C8B: variants seen among roughly 807,000 people sequenced by gnomAD.
C8B encodes the protein complement C8 beta chain.
A neutral mutation model predicts 64.6 loss-of-function variants in C8B; 67 were observed. That is an observed-to-expected ratio of 1.04 (90% CI 0.85 to 1.27). C8B has a LOEUF of 1.27. Ranked by LOEUF, C8B falls within the 50% of genes most tolerant of loss-of-function variation. The pLI, the probability that C8B is intolerant of heterozygous loss-of-function variation, is 0.00. For synonymous variants in C8B, 284 were observed against 257.7 expected (o/e 1.10, Z -0.98); for missense variants, 790 against 725.2 (o/e 1.09, Z -1.03).
In C8B at chr1:56,959,479, A is replaced by T. The variant is rs754132637; in HGVS notation, c.249+541T>A. ...AGGCAGCTCCTGAGTAGGAGTTTCA[A>T]ATTGTGAGTAGGTGTTCACCAGTGA... On this transcript the variant is annotated intron_variant, in intron 2 of 11. Transcript: ENST00000371237. 4.4e-6 allele frequency: 5 copies of T among 1,141,178 alleles called. No homozygotes were observed. In the South Asian group the frequency reaches 6.6e-5, roughly 15 times the overall value. The allele number at this position is 1,141,178 out of a possible 1,614,324, so 70.7% of individuals were successfully genotyped here.
chr1:56,959,538 C>T, intron 2 of C8B: 2 of 1,489,026 alleles, frequency 1.3e-6, no homozygotes, highest in Non-Finnish European at 9.1e-7. Context: ...CCTGAGAAAG[C>T]AGCATGAAGA....
intron 9 of C8B, among the ~76,000 whole-genome samples, chr1:56,937,724 C>T (rs1644795232): frequency 6.6e-6 from 1 of 152,010 alleles, no homozygotes; most frequent in South Asian, 2.1e-4. Flanking sequence ...GATACTTACA[C>T]TAAAAAATTA....
At position 56,945,960 on chromosome 1, in the gene C8B, C is replaced by G; in HGVS notation, c.966G>C (p.Lys322Asn). The G allele has an allele frequency of 6.2e-7, 1 of 1,614,150 alleles. No individual in the cohort carries two copies. Among genetic ancestry groups the G allele is most frequent in the Admixed American group, 1.7e-5 (1 of 60,016 alleles). The part of the protein sequence containing the change: ...MLHYEFLQRV[K>N]RLPLEYSYGE... ...CGTAGCTGTACTCCAGGGGCAGCCG[C>G]TTAACTCTCTGAAGGAACTCGTAAT... The change falls in exon 7 of 12, where the codon AAG (lysine) becomes AAC (asparagine). Residue 322 changes from lysine to asparagine, a missense_variant. Lys to Asn is a moderately conservative substitution (Grantham distance 94, BLOSUM62 0). Transcript: ENST00000371237.
chr1:56,959,882 A>G, intron 2 of C8B, 138 bp downstream of exon 2: 1 of 958,048 alleles, frequency 1.0e-6, no homozygotes, highest in East Asian at 2.6e-5. Context: ...GCACAGAAGG[A>G]AAGGATGCAT....
chr1:56,943,576 T>C, intron 8 of C8B, 120 bp downstream of exon 8: 1 of 1,136,048 alleles, frequency 8.8e-7, no homozygotes, highest in Non-Finnish European at 1.3e-6. Context: ...CAGAAGGACA[T>C]AGTTGGCCTA....
chr1:56,961,939 A>G (rs1645185992), intron 1 of C8B, among the ~76,000 whole-genome samples: 1 of 152,140 alleles, frequency 6.6e-6, no homozygotes, highest in East Asian at 1.9e-4. Flanking sequence ...GTGTGTTCTT[A>G]TCTACTAATT....
In C8B at chr1:56,949,687, G is replaced by A; in HGVS notation, c.732C>T (p.Val244=). The A allele has an allele frequency of 6.2e-7, 1 of 1,613,884 alleles. No individual in the cohort carries two copies. Among genetic ancestry groups the A allele is most frequent in the Non-Finnish European group, 8.5e-7 (1 of 1,179,884 alleles). ...YESYSDFERN[V]TEKMASKSGF... Reference sequence around the variant, plus strand: ...CAGACTTGCTTGCCATTTTCTCTGTGACATTGCGTTCAAAATCTGAGTATG... The same window carrying A: ...CAGACTTGCTTGCCATTTTCTCTGTAACATTGCGTTCAAAATCTGAGTATG... Residue 244 remains valine, a synonymous_variant, in exon 6 of 12, where the codon GTC becomes GTT. Coordinates refer to ENST00000371237, the MANE Select transcript of C8B (RefSeq NM_000066.4).
intron 4 of C8B, among the ~76,000 whole-genome samples, chr1:56,953,438 A>G (rs1334965928): frequency 6.6e-6 from 1 of 152,232 alleles, no homozygotes; most frequent in African/African-American, 2.4e-5. Context: ...ATGAGGATTA[A>G]TCATTAGGAG....
Position 56,929,584 on chromosome 1 carries a change from T to A in C8B, c.1622-26A>T, listed in dbSNP as rs572848260. The A allele has an allele frequency of 2.5e-6, 4 of 1,610,344 alleles. No individual in the cohort carries two copies. The South Asian group carries it at 3.3e-5, about 13-fold the overall frequency. On this transcript the variant is annotated intron_variant, in intron 11 of 11. Coordinates refer to ENST00000371237, the MANE Select transcript of C8B (RefSeq NM_000066.4). ...CTATAAGAAAGAAGGTCAATAAGCA[T>A]CAATCAGCACTTCTTATATTCTGGT...
chr1:56,964,597 C>T (rs1027834122), intron 1 of C8B, among the ~76,000 whole-genome samples: 1 of 152,250 alleles, frequency 6.6e-6, no homozygotes, highest in Non-Finnish European at 1.5e-5. Flanking sequence ...CTCACACTCT[C>T]TGTTCTAGAA....
chr1:56,952,257 C>A, intron 4 of C8B, 77 bp from the exon 5 acceptor site: 3 of 1,596,822 alleles, frequency 1.9e-6, no homozygotes, highest in Non-Finnish European at 2.6e-6. Flanking sequence ...CCCTACTGAA[C>A]GAAAACAAAA....
chr1:56,944,440 AAAGAGC>A (rs1644912589), intron 7 of C8B, among the ~76,000 whole-genome samples: 1 of 152,184 alleles, frequency 6.6e-6, no homozygotes. Context: ...TTCAGGGAGA[AAAGAGC>A]AACTTTGACC....
At position 56,929,390 on chromosome 1, in the gene C8B, T is replaced by C. The variant is rs1443131067; in HGVS notation, c.*14A>G. Reference sequence around the variant, plus strand: ...AGGGCTCTCATTGTATGTAGCCCACTGCTGTATCATCTGCTAGGAGCAGTC... The same window carrying C: ...AGGGCTCTCATTGTATGTAGCCCACCGCTGTATCATCTGCTAGGAGCAGTC... On this transcript the variant is annotated 3_prime_UTR_variant, in exon 12 of 12. Coordinates refer to ENST00000371237, the MANE Select transcript of C8B (RefSeq NM_000066.4). The C allele has an allele frequency of 4.3e-6, 7 of 1,611,902 alleles. No individual in the cohort carries two copies. Among genetic ancestry groups the C allele is most frequent in the Non-Finnish European group, 5.9e-6 (7 of 1,179,840 alleles).
At chr1:56,941,047 A>T in intron 8 of C8B, 35 bp from the exon 9 acceptor site, 1 of 1,612,010 alleles carries the variant, frequency 6.2e-7, no homozygotes, top group Non-Finnish European at 8.5e-7. Flanking sequence ...GTCACAGAAG[A>T]TATCCCTTTG....
At chr1:56,965,772 T>G in intron 1 of C8B, 85 bp downstream of exon 1, 1 of 1,449,138 alleles carries the variant, frequency 6.9e-7, no homozygotes, top group Non-Finnish European at 9.7e-7. Context: ...TCAATAGGCA[T>G]GCAACAAAGA....
chr1:56,938,403 G>T (rs951843507), intron 9 of C8B, among the ~76,000 whole-genome samples: 1 of 152,152 alleles, frequency 6.6e-6, no homozygotes. Context: ...TCTGATTAGT[G>T]TCTAAACACC....
At chr1:56,941,242 A>T (rs976104007) in intron 8 of C8B, among the ~76,000 whole-genome samples, 1 of 152,210 alleles carries the variant, frequency 6.6e-6, no homozygotes, top group Non-Finnish European at 1.5e-5. Flanking sequence ...AAAGACATTT[A>T]TCTTGAGCAG....
chr1:56,960,043 A>G lies in C8B; in HGVS notation c.226T>C (p.Cys76Arg). The G allele has an allele frequency of 6.2e-7, 1 of 1,614,170 alleles. No individual in the cohort carries two copies. The highest frequency in any genetic ancestry group is 8.5e-7 in the Non-Finnish European group (1 of 1,180,020). ...ELSSWSSWTT[C>R]DPCQKKRYRY... Reference sequence around the variant, plus strand: ...ACCCTTTTCTTCTGACAGGGGTCACATGTGGTCCAAGAGGACCAACTAGAC... The same window carrying G: ...ACCCTTTTCTTCTGACAGGGGTCACGTGTGGTCCAAGAGGACCAACTAGAC... Residue 76 changes from cysteine to arginine, a missense_variant, in exon 2 of 12, where the codon TGT becomes CGT. Cys to Arg is a radical substitution (Grantham distance 180). Coordinates refer to ENST00000371237, the MANE Select transcript of C8B (RefSeq NM_000066.4).
At chr1:56,960,297 T>C in intron 1 of C8B, 121 bp from the exon 2 acceptor site, 1 of 880,326 alleles carries the variant, frequency 1.1e-6, no homozygotes. Context: ...TATTAGTTTA[T>C]CATTCCAGGA....
Sources: gnomAD v4.1 joint callset for allele counts (sites outside exome capture counted in the v4.1 genomes callset) on GRCh38, gnomAD v4.1.1 for gene constraint, MANE v1.5 for transcripts, NCBI Gene and HGNC (gene_info 2026-07-23, HGNC 2026-07-21) for gene names.